The following DAB2IP variants were observed in gnomAD, a reference collection of about 807,000 sequenced individuals.
DAB2IP encodes disabled homolog 2-interacting protein.
Under a neutral mutation model 107.2 loss-of-function variants are expected in DAB2IP, and 28 were observed. That is an observed-to-expected ratio of 0.26 (90% CI 0.19 to 0.36). The LOEUF (loss-of-function observed/expected upper bound fraction) is 0.36. DAB2IP is among the 10% of genes least tolerant of loss of function. The probability of loss-of-function intolerance (pLI) is 1.00; values close to 1 mark genes in which losing one functional copy is unlikely to be tolerated. For synonymous variants in DAB2IP, 755 were observed against 706.4 expected (o/e 1.07, Z -1.09); for missense variants, 1,400 against 1,644.7 (o/e 0.85, Z 2.57).
rs115692817 is a variant in DAB2IP, at chr9:121,594,015, T to C, written c.40+26787T>C. 3.7e-3 allele frequency among the ~76,000 whole-genome samples: 566 copies of C among 152,182 alleles called. 3 individuals are homozygous for C. Among genetic ancestry groups the C allele is most frequent in the African/African-American group, 0.013 (543 of 41,520 alleles). On this transcript the variant is annotated intron_variant, in intron 1 of 16. Transcript: ENST00000259371. Reference sequence around the variant, plus strand: ...ATCAAGTTCTTTCCATCCTCCCCTGTAAACAACTTCCTCTTGACCATAGTC... The same window carrying C: ...ATCAAGTTCTTTCCATCCTCCCCTGCAAACAACTTCCTCTTGACCATAGTC...
At chr9:121,615,424 A>G (rs561387207) in intron 1 of DAB2IP, among the ~76,000 whole-genome samples, 11 of 152,204 alleles carry the variant, frequency 7.2e-5, no homozygotes, top group South Asian at 6.2e-4. Flanking sequence ...GTAGACATCT[A>G]TATAACAGTT....
intron 1 of DAB2IP, among the ~76,000 whole-genome samples, chr9:121,630,385 C>T (rs561575644): frequency 1.3e-4 from 20 of 151,916 alleles, no homozygotes; most frequent in South Asian, 4.2e-4. Flanking sequence ...ATTAGCCAGG[C>T]ATGGTGGCAG....
chr9:121,780,536 A>G (rs2119038057), intron 14 of DAB2IP, among the ~76,000 whole-genome samples: 1 of 152,174 alleles, frequency 6.6e-6, no homozygotes, highest in Admixed American at 6.5e-5. Flanking sequence ...AAGCCTTGGG[A>G]GTGGAGGGCT....
chr9:121,654,012 T>C (rs1178676132), intron 1 of DAB2IP, among the ~76,000 whole-genome samples: 1 of 152,186 alleles, frequency 6.6e-6, no homozygotes. Flanking sequence ...GAGTCAGATC[T>C]GGGTTCAAGT....
chr9:121,594,145 G>A (rs1351558191), intron 1 of DAB2IP, among the ~76,000 whole-genome samples: 1 of 151,976 alleles, frequency 6.6e-6, no homozygotes, highest in Non-Finnish European at 1.5e-5. Flanking sequence ...AATGTTGGCT[G>A]TGTAAACCCA....
Position 121,577,985 on chromosome 9 carries a change from G to A in DAB2IP, c.40+10757G>A, listed in dbSNP as rs1031389655. On this transcript the variant is annotated intron_variant, in intron 1 of 16. Transcript: ENST00000259371. ...GTAGAGGTGGAGATCTCTCCCTCCT[G>A]GGAAGGCCTGTGCTTGACTGAGAAG... is the stretch of plus-strand genomic sequence containing the variant. Among the ~76,000 whole-genome samples, 15 of 151,456 alleles carry A rather than the reference G, an allele frequency of 9.9e-5. 1 individual carries two copies. In the East Asian group the frequency reaches 3.0e-3, roughly 30 times the overall value.
At chr9:121,775,948 C>T (rs1835169479) in intron 13 of DAB2IP, among the ~76,000 whole-genome samples, 1 of 152,214 alleles carries the variant, frequency 6.6e-6, no homozygotes, top group African/African-American at 2.4e-5. Context: ...GTCTTCATCC[C>T]CGCTGTAGCC....
Position 121,592,957 on chromosome 9 carries a change from T to C in DAB2IP, c.40+25729T>C, listed in dbSNP as rs147246196. 3.7e-3 allele frequency among the ~76,000 whole-genome samples: 564 copies of C among 152,202 alleles called. 3 individuals are homozygous for C. Among genetic ancestry groups the C allele is most frequent in the African/African-American group, 0.013 (541 of 41,512 alleles). ...TCTACAGTGTTGTACAGCGCCTCACTCAGGGGGTGGCACAAAGGACAGGAG... is the reference window on the plus strand; with the variant it reads ...TCTACAGTGTTGTACAGCGCCTCACCCAGGGGGTGGCACAAAGGACAGGAG... On this transcript the variant is annotated intron_variant, in intron 1 of 16. Coordinates refer to the DAB2IP transcript ENST00000259371.
At chr9:121,639,859 C>G (rs1240253500) in intron 1 of DAB2IP, among the ~76,000 whole-genome samples, 5 of 152,188 alleles carry the variant, frequency 3.3e-5, no homozygotes, top group Non-Finnish European at 5.9e-5. Flanking sequence ...TTGGAATCAC[C>G]TGTGGGACCA....
At chr9:121,779,615 G>A (rs570027057) in intron 14 of DAB2IP, among the ~76,000 whole-genome samples, 5 of 152,328 alleles carry the variant, frequency 3.3e-5, no homozygotes, top group East Asian at 1.9e-4. Context: ...TTGGCCTAAC[G>A]TGGCCCTGCT....
intron 3 of DAB2IP, among the ~76,000 whole-genome samples, chr9:121,718,526 C>T (rs1168263546): frequency 6.6e-6 from 1 of 152,180 alleles, no homozygotes; most frequent in African/African-American, 2.4e-5. Context: ...CTCCCCTGAG[C>T]CACCAGGCCC....
At chr9:121,571,627 G>C (rs1375736682) in intron 1 of DAB2IP, among the ~76,000 whole-genome samples, 1 of 152,138 alleles carries the variant, frequency 6.6e-6, no homozygotes, top group African/African-American at 2.4e-5. Context: ...CTTTCGTCTA[G>C]TGAAGACCCC....
intron 2 of DAB2IP, among the ~76,000 whole-genome samples, chr9:121,690,349 A>G (rs980965481): frequency 6.6e-6 from 1 of 152,132 alleles, no homozygotes; most frequent in African/African-American, 2.4e-5. Context: ...AGGCGGAGAT[A>G]GTATAGACCC....
Position 121,770,621 on chromosome 9 carries a change from G to A in DAB2IP, c.1975G>A (p.Gly659Arg), listed in dbSNP as rs753065676. Residue 659 changes from glycine to arginine, a missense_variant, in exon 11 of 16, where the codon GGG becomes AGG. Physicochemically the swap from Gly to Arg is moderately radical, Grantham distance 125 (BLOSUM62 -2). Coordinates refer to ENST00000408936, the Ensembl canonical transcript of DAB2IP. ...CACAGCACTGAGCACCCCAGGTAGC[G>A]GGCAGCTCCCAGGGACCAATGACCT... The A allele has an allele frequency of 1.2e-5, 20 of 1,614,124 alleles. No individual in the cohort carries two copies. In the African/African-American group the frequency reaches 1.5e-4, roughly 12 times the overall value.
intron 3 of DAB2IP, among the ~76,000 whole-genome samples, chr9:121,743,624 A>G (rs983725184): frequency 1.3e-5 from 2 of 152,174 alleles, no homozygotes; most frequent in African/African-American, 4.8e-5. Context: ...GGGCGGGGCT[A>G]GGCTGGCCGG....
At chr9:121,715,426 C>T (rs570667429) in intron 3 of DAB2IP, among the ~76,000 whole-genome samples, 6 of 151,026 alleles carry the variant, frequency 4.0e-5, no homozygotes. Flanking sequence ...GATCTCGGCT[C>T]ACTGCAAGCT....
intron 1 of DAB2IP, among the ~76,000 whole-genome samples, chr9:121,587,157 T>C (rs1005741980): frequency 1.3e-5 from 2 of 152,218 alleles, no homozygotes; most frequent in African/African-American, 4.8e-5. Context: ...CTGGTGCTAC[T>C]GCTGATAATC....
intron 3 of DAB2IP, among the ~76,000 whole-genome samples, chr9:121,714,632 A>G (rs1830499559): frequency 6.6e-6 from 1 of 152,240 alleles, no homozygotes; most frequent in Non-Finnish European, 1.5e-5. Flanking sequence ...AGCCAGTTAC[A>G]TGCCAGGCAT....
At chr9:121,757,851 TCATG>T (rs1164087573) in intron 4 of DAB2IP, among the ~76,000 whole-genome samples, 3 of 152,224 alleles carry the variant, frequency 2.0e-5, no homozygotes, top group Non-Finnish European at 4.4e-5. Flanking sequence ...CCCCCAATAA[TCATG>T]CATAACTAGG....
Sources: gnomAD v4.1 joint callset for allele counts (sites outside exome capture counted in the v4.1 genomes callset) on GRCh38, gnomAD v4.1.1 for gene constraint, MANE v1.5 for transcripts, NCBI Gene and HGNC (gene_info 2026-07-23, HGNC 2026-07-21) for gene names.